ARHGAP20: variants seen among roughly 807,000 people sequenced by gnomAD.
ARHGAP20 encodes Rho GTPase activating protein 20.
In ARHGAP20, 34 loss-of-function variants were observed where a neutral mutation model predicts 73.7. The observed-to-expected ratio is 0.46, with a 90% confidence interval of 0.35 to 0.61. ARHGAP20 has a LOEUF of 0.61. ARHGAP20 is among the 20% of genes least tolerant of loss of function. The pLI is 0.00. For missense variants in ARHGAP20, 1,314 were observed against 1,420.9 expected, an observed-to-expected ratio of 0.92 and a Z score of 1.21; for synonymous variants, 523 against 518.2, an observed-to-expected ratio of 1.01 and a Z score of -0.13.
chr11:110,606,441 C>T, intron 9 of ARHGAP20, 120 bp downstream of exon 9: 1 of 1,104,530 alleles, frequency 9.1e-7, no homozygotes, highest in Non-Finnish European at 1.3e-6. Flanking sequence ...GTCCATCTTT[C>T]CTTTTCAAAA....
chr11:110,659,521 T>C (rs1949551129), intron 2 of ARHGAP20, among the ~76,000 whole-genome samples: 1 of 151,962 alleles, frequency 6.6e-6, no homozygotes, highest in Non-Finnish European at 1.5e-5. Context: ...GCCTGTTCAC[T>C]CTGATGGTAG....
Position 110,586,205 on chromosome 11 carries a change from A to C in ARHGAP20, c.1415+11T>G, listed in dbSNP as rs966436684. 2 of 1,350,494 alleles carry C rather than the reference A, an allele frequency of 1.5e-6. No individual in the cohort carries two copies. Among genetic ancestry groups the C allele is most frequent in the African/African-American group, 1.5e-5 (1 of 66,648 alleles). The allele number at this position is 1,350,494 out of a possible 1,614,324, so 83.7% of individuals were successfully genotyped here. ...AGTATTTTTGAGACATGACCAAATT[A>C]GAATAATTACCTTTGAACAGTATTT... On this transcript the variant is annotated intron_variant, in intron 12 of 14. Transcript: ENST00000683387.
At chr11:110,601,963 A>T (rs1350825791) in intron 9 of ARHGAP20, among the ~76,000 whole-genome samples, 2 of 150,082 alleles carry the variant, frequency 1.3e-5, no homozygotes, top group African/African-American at 5.0e-5. Context: ...CCTGGGCGAT[A>T]AGAATGAGAC....
At position 110,701,506 on chromosome 11, in the gene ARHGAP20, C is replaced by T. The variant is rs1459148664; in HGVS notation, c.105+10621G>A. Among the ~76,000 whole-genome samples, 20 of 149,890 alleles carry T rather than the reference C, an allele frequency of 1.3e-4. 2 individuals carry two copies. The South Asian group carries it at 1.5e-3, about 11-fold the overall frequency. On this transcript the variant is annotated intron_variant, in intron 1 of 14. Coordinates refer to ENST00000683387, the MANE Select transcript of ARHGAP20 (RefSeq NM_001384657.1). Reference sequence around the variant, plus strand: ...AGCCCTTTGTCAGATGAGTAGGTTGCGAAAATTTTCTCCCATTTTGTAGGT... The same window carrying T: ...AGCCCTTTGTCAGATGAGTAGGTTGTGAAAATTTTCTCCCATTTTGTAGGT...
At chr11:110,672,383 T>C (rs1205121314) in intron 2 of ARHGAP20, among the ~76,000 whole-genome samples, 1 of 152,182 alleles carries the variant, frequency 6.6e-6, no homozygotes, top group Non-Finnish European at 1.5e-5. Context: ...TGGGCAGTAA[T>C]TTTATAAAAT....
chr11:110,612,806 A>G (rs913256437), intron 6 of ARHGAP20, among the ~76,000 whole-genome samples: 1 of 152,214 alleles, frequency 6.6e-6, no homozygotes, highest in African/African-American at 2.4e-5. Flanking sequence ...AATTTAAAAA[A>G]GCATTTAAAA....
rs528141583 is a variant in ARHGAP20, at chr11:110,681,647, T to G, written c.188+8900A>C. ...TAATACTGAAGTTATGATGCTAACA[T>G]GACAGAGGAAAAAGGAAGTGGAATA... On this transcript the variant is annotated intron_variant, in intron 2 of 14. Transcript: ENST00000683387. Among the ~76,000 whole-genome samples the G allele has an allele frequency of 6.7e-4, 102 of 152,232 alleles. 1 individual carries two copies. The highest frequency in any genetic ancestry group is 1.0e-3 in the Non-Finnish European group (69 of 68,002).
intron 3 of ARHGAP20, among the ~76,000 whole-genome samples, chr11:110,627,162 C>T (rs1460215523): frequency 6.6e-6 from 1 of 152,094 alleles, no homozygotes; most frequent in Non-Finnish European, 1.5e-5. Flanking sequence ...GATCTTGGCT[C>T]ACTGCAACCA....
chr11:110,691,464 C>A (rs988151461), intron 1 of ARHGAP20, among the ~76,000 whole-genome samples: 5 of 152,164 alleles, frequency 3.3e-5, no homozygotes, highest in African/African-American at 4.8e-5. Context: ...ATCCCTCTCA[C>A]CCTGTATCCT....
intron 6 of ARHGAP20, among the ~76,000 whole-genome samples, chr11:110,612,497 G>A (rs540837500): frequency 1.3e-5 from 2 of 151,412 alleles, no homozygotes; most frequent in Non-Finnish European, 2.9e-5. Flanking sequence ...TATAGAGATC[G>A]CTGAATTCCA....
At chr11:110,648,253 A>AT (rs577627050) in intron 2 of ARHGAP20, among the ~76,000 whole-genome samples, 3 of 85,366 alleles carry the variant, frequency 3.5e-5, no homozygotes, top group South Asian at 4.7e-4. Context: ...ATATATATGT[A>AT]AATATATATA....
chr11:110,641,340 A>G (rs1949073197), intron 2 of ARHGAP20, among the ~76,000 whole-genome samples: 1 of 152,048 alleles, frequency 6.6e-6, no homozygotes, highest in South Asian at 2.1e-4. Context: ...GAAGAGAGTA[A>G]CTACATAATT....
At chr11:110,695,326 A>C (rs1950315537) in intron 1 of ARHGAP20, among the ~76,000 whole-genome samples, 1 of 151,664 alleles carries the variant, frequency 6.6e-6, no homozygotes, top group African/African-American at 2.4e-5. Context: ...AAGCAACAGA[A>C]GAAAAAATCT....
Position 110,582,358 on chromosome 11 carries a change from C to T in ARHGAP20, c.1683G>A (p.Glu561=), listed in dbSNP as rs112513595. 1 of 1,613,718 alleles carries T rather than the reference C, an allele frequency of 6.2e-7. No homozygotes were observed. The highest frequency in any genetic ancestry group is 1.1e-5 in the South Asian group (1 of 91,060). The change falls in exon 14 of 15, where the codon GAG becomes GAA. Residue 561 remains glutamate (E), a synonymous_variant. Coordinates refer to ENST00000683387, the MANE Select transcript of ARHGAP20 (RefSeq NM_001384657.1). ...FGEEITSLFR[E]VSVRCDTREN... ...CTCTAGTGTCACATCTCACTGAAAC[C>T]TCTCTGAAGAGGGAAGTGATTTCTT...
intron 1 of ARHGAP20, among the ~76,000 whole-genome samples, chr11:110,703,673 C>T (rs1950500892): frequency 6.6e-6 from 1 of 152,058 alleles, no homozygotes; most frequent in South Asian, 2.1e-4. Context: ...TTCTTTGTTT[C>T]CTTGCCTCCA....
intron 4 of ARHGAP20, among the ~76,000 whole-genome samples, chr11:110,619,583 ATATGTAGTGATAGAGTG>A (rs1948578588): frequency 6.7e-6 from 1 of 149,962 alleles, no homozygotes; most frequent in Non-Finnish European, 1.5e-5. Flanking sequence ...GTGATAGCGT[ATATGTAGTGATAGAGTG>A]TATGCAGTGA....
At position 110,579,573 on chromosome 11, in the gene ARHGAP20, G is replaced by T. The variant is rs142882906; in HGVS notation, c.3373C>A (p.Pro1125Thr). Residue 1125 changes from proline to threonine, a missense_variant, in exon 15 of 15, where the codon CCA becomes ACA. Transcript: ENST00000683387. ...FQDSERHCSSPFSLVESRLKL... is the reference protein window; with the variant it reads ...FQDSERHCSSTFSLVESRLKL... ...AGTCTGCTCTCCACCAGGCTGAATG[G>T]AGAGCTACAGTGTCTCTCTGAGTCC... The T allele has an allele frequency of 2.0e-5, 33 of 1,613,664 alleles. No individual in the cohort carries two copies. The African/African-American group carries it at 4.1e-4, about 20-fold the overall frequency.
At chr11:110,710,337 G>A (rs1256955635) in intron 1 of ARHGAP20, among the ~76,000 whole-genome samples, 2 of 151,914 alleles carry the variant, frequency 1.3e-5, no homozygotes, top group Non-Finnish European at 2.9e-5. Flanking sequence ...TGGGAAAAGA[G>A]CGAAGCAACC....
At chr11:110,648,172 A>T (rs201757726) in intron 2 of ARHGAP20, among the ~76,000 whole-genome samples, 3 of 91,546 alleles carry the variant, frequency 3.3e-5, no homozygotes, top group African/African-American at 8.5e-5. Flanking sequence ...TATATATGTA[A>T]ATATATATAT....
Sources: allele counts gnomAD v4.1 joint callset (sites outside exome capture counted in the v4.1 genomes callset), GRCh38; gene constraint gnomAD v4.1.1; transcripts MANE v1.5; gene names NCBI Gene and HGNC (gene_info 2026-07-23, HGNC 2026-07-21).